The following REL variants were observed in gnomAD, a reference collection of about 807,000 sequenced individuals.
REL encodes REL proto-oncogene, NF-kB subunit.
In REL, 15 loss-of-function variants were observed where a neutral mutation model predicts 45.9. The ratio of observed to expected loss-of-function variants is 0.33; its 90% CI spans 0.22 to 0.50. REL has a LOEUF of 0.50. REL is among the 20% of genes least tolerant of loss of function. The pLI is 0.98. For missense variants in REL, 601 were observed against 715.2 expected (o/e 0.84, Z 1.82); for synonymous variants, 239 against 242.1 (o/e 0.99, Z 0.12).
At chr2:60,921,092 T>C (rs929985168) in intron 9 of REL, among the ~76,000 whole-genome samples, 3 of 152,158 alleles carry the variant, frequency 2.0e-5, no homozygotes, top group African/African-American at 7.2e-5. Flanking sequence ...AATCTGACTT[T>C]TTACAGAAAA....
chr2:60,905,185 C>T (rs1673608400), intron 4 of REL, among the ~76,000 whole-genome samples: 1 of 152,204 alleles, frequency 6.6e-6, no homozygotes, highest in Non-Finnish European at 1.5e-5. Flanking sequence ...AGCTCCGCCT[C>T]CCGGGTTCAC....
intron 1 of REL, among the ~76,000 whole-genome samples, chr2:60,890,245 A>T (rs1673175189): frequency 1.3e-5 from 2 of 152,246 alleles, no homozygotes; most frequent in South Asian, 2.1e-4. Flanking sequence ...TTGAATGTGT[A>T]TGTATATATG....
intron 1 of REL, among the ~76,000 whole-genome samples, chr2:60,889,592 C>T (rs1267689060): frequency 6.6e-6 from 1 of 152,018 alleles, no homozygotes; most frequent in South Asian, 2.1e-4. Flanking sequence ...TTAGGTATAT[C>T]TCCTAATGCT....
intron 4 of REL, among the ~76,000 whole-genome samples, chr2:60,911,994 CAAAAAAAAAA>C (rs763342298): frequency 0.011 from 408 of 37,338 alleles, 11 homozygotes; most frequent in African/African-American, 0.034. Context: ...AAGACTGTCT[CAAAAAAAAAA>C]AAAAAAAAAA....
chr2:60,892,375 G>C (rs965227722), intron 2 of REL, among the ~76,000 whole-genome samples: 11 of 152,164 alleles, frequency 7.2e-5, no homozygotes, highest in Non-Finnish European at 1.6e-4. Context: ...AAAAGCTTTT[G>C]ACCAAAAATG....
intron 2 of REL, among the ~76,000 whole-genome samples, chr2:60,892,789 CTG>C (rs1673249450): frequency 1.3e-5 from 2 of 150,674 alleles, no homozygotes; most frequent in African/African-American, 4.9e-5. Context: ...GAGTCTCACT[CTG>C]TTGCCCAGGC....
At chr2:60,896,764 C>G (rs937633318) in intron 3 of REL, among the ~76,000 whole-genome samples, 20 of 152,146 alleles carry the variant, frequency 1.3e-4, no homozygotes, top group African/African-American at 4.8e-4. Context: ...CATTTTACTT[C>G]CTGCTTTTCT....
chr2:60,903,578 G>C (rs1215670862), intron 4 of REL, among the ~76,000 whole-genome samples: 1 of 151,884 alleles, frequency 6.6e-6, no homozygotes, highest in Non-Finnish European at 1.5e-5. Flanking sequence ...CTGTCACCCA[G>C]GCTGGAGTGC....
rs75233070 is a variant in REL at position 60,897,253 on chromosome 2, T to C, written c.302+2708T>C. ...TGCCGTCATCTTTCTTTGAGCACTT[T>C]TTTACTTTCTGACAAAATGAAATGT... is the stretch of plus-strand genomic sequence containing the variant. On this transcript the variant is annotated intron_variant, in intron 3 of 9. Coordinates refer to ENST00000394479, the MANE Select transcript of REL (RefSeq NM_001291746.2). Among the ~76,000 whole-genome samples, 301 of 152,230 alleles carry C rather than the reference T, an allele frequency of 2.0e-3. 5 individuals carry two copies. In the East Asian group the frequency reaches 0.051, roughly 26 times the overall value.
intron 2 of REL, 47 bp downstream of exon 2, chr2:60,891,872 A>G (rs1673224699): frequency 6.6e-7 from 1 of 1,505,172 alleles, no homozygotes; most frequent in South Asian, 1.3e-5. Flanking sequence ...GTTGCTTCAT[A>G]TACTAGCTAT....
intron 4 of REL, among the ~76,000 whole-genome samples, chr2:60,913,152 C>T (rs768214035): frequency 2.6e-5 from 4 of 151,914 alleles, no homozygotes; most frequent in Non-Finnish European, 5.9e-5. Context: ...TCAAGTTCTC[C>T]AGTAAACTCT....
intron 3 of REL, among the ~76,000 whole-genome samples, chr2:60,898,615 CT>C (rs1673418949): frequency 6.6e-6 from 1 of 152,196 alleles, no homozygotes; most frequent in South Asian, 2.1e-4. Flanking sequence ...GACTACCAGA[CT>C]TTTTCTGTAA....
In REL at chr2:60,922,541, A is replaced by G. The variant is rs1674173606; in HGVS notation, c.*6A>G. 1 of 1,590,648 alleles carries G rather than the reference A, an allele frequency of 6.3e-7. No individual in the cohort carries two copies. The highest frequency in any genetic ancestry group is 8.5e-7 in the Non-Finnish European group (1 of 1,169,696). The stretch of plus-strand genomic sequence containing the variant: ...ATGAATTTTTTCAAGTATAACTTGC[A>G]AGATTTAAATCCTTTTAAATCTTGA... On this transcript the variant is annotated 3_prime_UTR_variant, in exon 10 of 10. Transcript: ENST00000394479.
chr2:60,910,106 C>G (rs1015011212), intron 4 of REL, among the ~76,000 whole-genome samples: 5 of 151,968 alleles, frequency 3.3e-5, no homozygotes, highest in African/African-American at 1.2e-4. Flanking sequence ...ATTCTCATTA[C>G]ACACCTACTG....
chr2:60,887,146 A>G (rs998710756), intron 1 of REL, among the ~76,000 whole-genome samples: 2 of 152,236 alleles, frequency 1.3e-5, no homozygotes, highest in African/African-American at 2.4e-5. Context: ...GAAGAATGGC[A>G]TTGTGCAAAG....
rs544175856 is a variant in REL, at chr2:60,923,104, A to T, written c.*569A>T. ...ATTTCTTTTTATAATGTTTTAATGTATTCTTAAATTTCAAGCAAATTTAAG... is the reference window on the plus strand; with the variant it reads ...ATTTCTTTTTATAATGTTTTAATGTTTTCTTAAATTTCAAGCAAATTTAAG... On this transcript the variant is annotated 3_prime_UTR_variant, in exon 10 of 10. Coordinates refer to ENST00000394479, the MANE Select transcript of REL (RefSeq NM_001291746.2). 5.5e-6 allele frequency: 1 copy of T among 181,506 alleles called. No homozygotes were observed. Among genetic ancestry groups the T allele is most frequent in the Non-Finnish European group, 1.2e-5 (1 of 85,102 alleles). 11.2% of individuals were successfully genotyped at this position (181,506 alleles called of 1,614,324 possible).
intron 1 of REL, among the ~76,000 whole-genome samples, chr2:60,887,686 TA>T (rs977106397): frequency 1.3e-5 from 2 of 150,216 alleles, no homozygotes; most frequent in African/African-American, 4.9e-5. Context: ...TACTTGGTTG[TA>T]ATACTCTACA....
chr2:60,892,556 G>A (rs1033990737), intron 2 of REL, among the ~76,000 whole-genome samples: 1 of 151,846 alleles, frequency 6.6e-6, no homozygotes, highest in Non-Finnish European at 1.5e-5. Flanking sequence ...AGCCTACCGA[G>A]TAGCTGGGAT....
At chr2:60,886,703 G>A (rs1673080402) in intron 1 of REL, among the ~76,000 whole-genome samples, 1 of 151,954 alleles carries the variant, frequency 6.6e-6, no homozygotes, top group African/African-American at 2.4e-5. Context: ...TGTTAATAAT[G>A]TGTCTATTTC....
Sources: allele counts gnomAD v4.1 joint callset (sites outside exome capture counted in the v4.1 genomes callset), GRCh38; gene constraint gnomAD v4.1.1; transcripts MANE v1.5; gene names NCBI Gene and HGNC (gene_info 2026-07-23, HGNC 2026-07-21).